Variants in SLC30A9 observed in about 807,000 individuals in gnomAD.
SLC30A9 encodes solute carrier family 30 member 9.
A neutral mutation model predicts 87.5 loss-of-function variants in SLC30A9; 58 were observed. The ratio of observed to expected loss-of-function variants is 0.66; its 90% CI spans 0.54 to 0.82. The LOEUF (loss-of-function observed/expected upper bound fraction) is 0.82, where lower values mean the gene tolerates loss of function less well. Ranked by LOEUF, SLC30A9 falls within the 40% of genes least tolerant of loss-of-function variation. SLC30A9 has a pLI of 0.00. For synonymous variants in SLC30A9, 234 were observed against 233.0 expected (o/e 1.00, Z -0.04); for missense variants, 557 against 679.1 (o/e 0.82, Z 2.00).
At position 42,043,286 on chromosome 4, in the gene SLC30A9, A is replaced by G. The variant is rs111881461; in HGVS notation, c.737+4233A>G. Among the ~76,000 whole-genome samples, 169 of 152,330 alleles carry G rather than the reference A, an allele frequency of 1.1e-3. 1 individual carries two copies. The highest frequency in any genetic ancestry group is 3.9e-3 in the African/African-American group (162 of 41,584). On this transcript the variant is annotated intron_variant, in intron 8 of 17. Transcript: ENST00000264451. ...ACAAACTCCTCCAAGCTAAAGGAGC[A>G]TGTTCCAACCCAACGCAAGAAAGCT...
At chr4:42,060,115 C>A in intron 9 of SLC30A9, 76 bp from the exon 10 acceptor site, 2 of 1,082,368 alleles carry the variant, frequency 1.8e-6, no homozygotes, top group South Asian at 2.5e-5. Flanking sequence ...TAGCCTGCAC[C>A]CTCCACATTG....
chr4:42,013,511 A>T (rs1365860730), intron 2 of SLC30A9, among the ~76,000 whole-genome samples: 4 of 152,170 alleles, frequency 2.6e-5, no homozygotes, highest in Admixed American at 2.6e-4. Context: ...CTAAACCTAA[A>T]TCCTTTATGC....
At chr4:42,030,839 A>G (rs1332901565) in intron 6 of SLC30A9, among the ~76,000 whole-genome samples, 1 of 152,086 alleles carries the variant, frequency 6.6e-6, no homozygotes. Context: ...GTCCTCTAGT[A>G]TGTTCTAAAG....
chr4:42,020,610 T>C lies in SLC30A9; in HGVS notation c.434+95T>C. On this transcript the variant is annotated intron_variant, in intron 4 of 17. Transcript: ENST00000264451. Reference sequence around the variant, plus strand: ...TGTGTTACCTGCTACCATCCATATATGGAAAATTTGCTACTGGCTCCTTAA... The same window carrying C: ...TGTGTTACCTGCTACCATCCATATACGGAAAATTTGCTACTGGCTCCTTAA... 2.0e-5 allele frequency: 12 copies of C among 608,228 alleles called. No homozygotes were observed. In the South Asian group the frequency reaches 3.3e-4, roughly 17 times the overall value. 37.7% of individuals were successfully genotyped at this position (608,228 alleles called of 1,614,324 possible).
At chr4:42,057,885 C>T (rs991844608) in intron 9 of SLC30A9, among the ~76,000 whole-genome samples, 14 of 151,984 alleles carry the variant, frequency 9.2e-5, no homozygotes, top group African/African-American at 2.2e-4. Context: ...GGGCGGATCA[C>T]GAGGTGAAGA....
intron 6 of SLC30A9, chr4:42,029,589 T>C (rs1716335692): frequency 1.3e-5 from 9 of 700,228 alleles, no homozygotes; most frequent in Non-Finnish European, 2.1e-5. Flanking sequence ...TTTTTGAAAA[T>C]TGTGACAATG....
At chr4:42,017,743 A>G (rs527592065) in intron 2 of SLC30A9, among the ~76,000 whole-genome samples, 3 of 152,216 alleles carry the variant, frequency 2.0e-5, no homozygotes, top group Admixed American at 1.3e-4. Flanking sequence ...TTGTTCCTTA[A>G]TTTAAAAATG....
At chr4:42,006,872 T>C (rs1192873898) in intron 2 of SLC30A9, among the ~76,000 whole-genome samples, 1 of 152,092 alleles carries the variant, frequency 6.6e-6, no homozygotes, top group East Asian at 1.9e-4. Flanking sequence ...GCTCACTATG[T>C]TTCAGCCAAA....
chr4:42,035,425 T>A (rs1207850392), intron 7 of SLC30A9, 92 bp downstream of exon 7: 2 of 1,414,486 alleles, frequency 1.4e-6, no homozygotes, highest in African/African-American at 1.4e-5. Context: ...GTCTGTGATC[T>A]CAATCTAAGA....
At chr4:42,026,901 A>G (rs1052390149) in intron 6 of SLC30A9, among the ~76,000 whole-genome samples, 1 of 152,102 alleles carries the variant, frequency 6.6e-6, no homozygotes, top group African/African-American at 2.4e-5. Flanking sequence ...GTGTCCACAA[A>G]TTGTTTATTT....
At chr4:42,051,668 C>T (rs1717389297) in intron 9 of SLC30A9, among the ~76,000 whole-genome samples, 1 of 151,948 alleles carries the variant, frequency 6.6e-6, no homozygotes, top group South Asian at 2.1e-4. Flanking sequence ...GTCAGTGAAC[C>T]TGAATATGTA....
intron 2 of SLC30A9, among the ~76,000 whole-genome samples, chr4:42,006,909 TC>T (rs1715228449): frequency 6.6e-6 from 1 of 152,178 alleles, no homozygotes; most frequent in South Asian, 2.1e-4. Flanking sequence ...TCAGCCATGT[TC>T]TGAGAAAATG....
chr4:42,040,588 G>C (rs1201378136), intron 8 of SLC30A9, among the ~76,000 whole-genome samples: 1 of 152,064 alleles, frequency 6.6e-6, no homozygotes, highest in African/African-American at 2.4e-5. Flanking sequence ...CCGAGGTCAG[G>C]AGATTGAGAC....
At chr4:42,079,703 G>A (rs866078521) in intron 17 of SLC30A9, among the ~76,000 whole-genome samples, 25 of 152,060 alleles carry the variant, frequency 1.6e-4, no homozygotes, top group African/African-American at 5.5e-4. Context: ...CGCCTTCCAG[G>A]TTCAAGGGAT....
chr4:42,058,544 C>T (rs1017526574), intron 9 of SLC30A9, among the ~76,000 whole-genome samples: 2 of 152,198 alleles, frequency 1.3e-5, no homozygotes, highest in African/African-American at 2.4e-5. Flanking sequence ...TACCAATTTA[C>T]TGTATTATTC....
At chr4:42,075,055 ATATATTTTTTTTTTTTTTT>A (rs1465332201) in intron 15 of SLC30A9, among the ~76,000 whole-genome samples, 3 of 21,704 alleles carry the variant, frequency 1.4e-4, no homozygotes, top group African/African-American at 5.3e-4. Context: ...ATATATATAT[ATATATTTTTTTTTTTTTTT>A]TTTTTTTTTT....
At chr4:42,010,583 G>A (rs1294431119) in intron 2 of SLC30A9, among the ~76,000 whole-genome samples, 1 of 152,156 alleles carries the variant, frequency 6.6e-6, no homozygotes, top group African/African-American at 2.4e-5. Context: ...AAAATTACCT[G>A]TAAAATATTT....
Position 42,038,864 on chromosome 4 carries a change from A to C in SLC30A9, c.670-122A>C, listed in dbSNP as rs1716798463. 1.7e-5 allele frequency: 11 copies of C among 631,168 alleles called. No homozygotes were observed. The South Asian group carries it at 2.2e-4, about 12-fold the overall frequency. The allele number at this position is 631,168 out of a possible 1,614,324, so 39.1% of individuals were successfully genotyped here. A position where few individuals can be genotyped will look rare whatever the true frequency, so the allele number is the denominator to read the frequency against. On this transcript the variant is annotated intron_variant, in intron 7 of 17. Transcript: ENST00000264451. ...TCTAAACAAGAACTTCTAGAGAAAA[A>C]TAAGTAAATCTAATTCAGAAGTTTT...
rs1718768778 is a variant in SLC30A9 at position 42,082,239 on chromosome 4, TAAAATA to T, written c.1663-3839_1663-3834del. On this transcript the variant is annotated intron_variant, in intron 17 of 17. Coordinates refer to ENST00000264451, the MANE Select transcript of SLC30A9 (RefSeq NM_006345.4). ...CTCAAAAAAAAAAAAAATAAATAAA[TAAAATA>T]AAATAAAGATAATAAAGCATAATTA... is the stretch of plus-strand genomic sequence containing the variant. Among the ~76,000 whole-genome samples the T allele has an allele frequency of 3.3e-5, 5 of 150,752 alleles. No homozygotes were observed. The East Asian group carries it at 9.7e-4, about 29-fold the overall frequency.
Sources: allele counts gnomAD v4.1 joint callset (sites outside exome capture counted in the v4.1 genomes callset), GRCh38; gene constraint gnomAD v4.1.1; transcripts MANE v1.5; gene names NCBI Gene and HGNC (gene_info 2026-07-23, HGNC 2026-07-21).